ADGRF1: variants seen among roughly 807,000 people sequenced by gnomAD.
ADGRF1 encodes the protein adhesion G protein-coupled receptor F1.
In ADGRF1, 85 loss-of-function variants were observed where a neutral mutation model predicts 87.2. That is an observed-to-expected ratio of 0.97 (90% CI 0.82 to 1.17). The LOEUF is 1.17. ADGRF1 is among the 50% of genes most tolerant of loss of function. The pLI is 0.00. For synonymous variants in ADGRF1, 430 were observed against 408.8 expected, an observed-to-expected ratio of 1.05 and a Z score of -0.63; for missense variants, 1,169 against 1,077.2, an observed-to-expected ratio of 1.09 and a Z score of -1.19.
chr6:47,020,699 G>T, intron 7 of ADGRF1, 32 bp downstream of exon 7: 1 of 1,608,408 alleles, frequency 6.2e-7, no homozygotes, highest in Non-Finnish European at 8.5e-7. Flanking sequence ...CCAATTCTGG[G>T]GATGCCCTTC....
chr6:47,041,724 T>A (rs1780747194), intron 1 of ADGRF1, among the ~76,000 whole-genome samples: 1 of 152,174 alleles, frequency 6.6e-6, no homozygotes, highest in African/African-American at 2.4e-5. Context: ...AGGCAAAGCT[T>A]AAACTAATTC....
At chr6:47,028,120 C>T (rs1780299990) in intron 2 of ADGRF1, among the ~76,000 whole-genome samples, 1 of 152,088 alleles carries the variant, frequency 6.6e-6, no homozygotes, top group Admixed American at 6.5e-5. Flanking sequence ...TGCTGGGTAG[C>T]TTTGAACAGG....
rs1051143083 is a variant in ADGRF1 at position 47,027,816 on chromosome 6, A to C, written c.70-55T>G. On this transcript the variant is annotated intron_variant, in intron 2 of 14. Transcript: ENST00000371253. ...GAGACTTTGAAGAGTTGTGCTTCAT[A>C]AGGCCTTGCTGAGTTTCCCAGATGA... 1.1e-5 allele frequency: 11 copies of C among 1,027,980 alleles called. No individual in the cohort carries two copies. The African/African-American group carries it at 1.4e-4, about 13-fold the overall frequency. The allele number at this position is 1,027,980 out of a possible 1,614,324, so 63.7% of individuals were successfully genotyped here. A position where few individuals can be genotyped will look rare whatever the true frequency, so the allele number is the denominator to read the frequency against.
At chr6:47,018,174 A>G (rs557464411) in intron 7 of ADGRF1, 2 of 259,054 alleles carry the variant, frequency 7.7e-6, no homozygotes, top group East Asian at 1.2e-4. Flanking sequence ...TTGAGTCTGG[A>G]GTTCAGGGGA....
rs182651243 is a variant in ADGRF1 at position 47,036,259 on chromosome 6, C to T, written c.-44+5932G>A. Reference sequence around the variant, plus strand: ...ACAGAACAAAACAAAACAAAACAAACAAACAAAAAACAGCTACTTATTGGG... The same window carrying T: ...ACAGAACAAAACAAAACAAAACAAATAAACAAAAAACAGCTACTTATTGGG... On this transcript the variant is annotated intron_variant, in intron 1 of 14. Coordinates refer to ENST00000371253, the MANE Select transcript of ADGRF1 (RefSeq NM_153840.4). Among the ~76,000 whole-genome samples, 540 of 151,982 alleles carry T rather than the reference C, an allele frequency of 3.6e-3. 2 individuals carry two copies. Among genetic ancestry groups the T allele is most frequent in the Non-Finnish European group, 5.7e-3 (385 of 67,892 alleles).
chr6:47,000,438 T>C, intron 14 of ADGRF1, 143 bp from the exon 15 acceptor site: 1 of 576,004 alleles, frequency 1.7e-6, no homozygotes, highest in Non-Finnish European at 3.0e-6. Context: ...AGACTGTGGT[T>C]GGTGGAGAGA....
intron 1 of ADGRF1, among the ~76,000 whole-genome samples, chr6:47,036,386 G>A (rs957195811): frequency 5.9e-5 from 9 of 152,102 alleles, no homozygotes; most frequent in African/African-American, 2.2e-4. Flanking sequence ...ACCCCCTGAT[G>A]CTAAAATAAA....
chr6:47,020,578 C>T, intron 7 of ADGRF1, 153 bp downstream of exon 7: 1 of 1,513,178 alleles, frequency 6.6e-7, no homozygotes, highest in Non-Finnish European at 8.8e-7. Flanking sequence ...CTTTTTAAAG[C>T]ATCACAGATC....
intron 8 of ADGRF1, among the ~76,000 whole-genome samples, chr6:47,015,572 G>T (rs1032192709): frequency 6.0e-5 from 8 of 134,054 alleles, no homozygotes; most frequent in African/African-American, 2.9e-4. Flanking sequence ...CACGATGCCT[G>T]GCTATTTATT....
Position 47,016,613 on chromosome 6 carries a change from T to C in ADGRF1, c.763+4A>G. The C allele has an allele frequency of 6.3e-7, 1 of 1,595,756 alleles. No individual in the cohort carries two copies. Among genetic ancestry groups the C allele is most frequent in the Non-Finnish European group, 8.6e-7 (1 of 1,167,000 alleles). On this transcript the variant is annotated splice_donor_region_variant and intron_variant, in intron 8 of 14. Transcript: ENST00000371253. ...CTAAGCAGAGGATGGGAATCCAGCA[T>C]TACCTTTTCCGAACACTCTGAAAGA...
chr6:47,033,818 A>G (rs1780507475), intron 1 of ADGRF1, among the ~76,000 whole-genome samples: 1 of 152,242 alleles, frequency 6.6e-6, no homozygotes, highest in African/African-American at 2.4e-5. Flanking sequence ...GTGTTTCTGT[A>G]ACTGAACAGA....
At chr6:47,015,358 T>A (rs1283421880) in intron 8 of ADGRF1, among the ~76,000 whole-genome samples, 1 of 152,118 alleles carries the variant, frequency 6.6e-6, no homozygotes, top group East Asian at 1.9e-4. Flanking sequence ...AATGCATTCT[T>A]ATCATGATTG....
chr6:47,013,266 T>C (rs1220800131), intron 9 of ADGRF1: 4 of 985,340 alleles, frequency 4.1e-6, no homozygotes, highest in African/African-American at 3.5e-5. Context: ...ACCTGGGATC[T>C]GCCTGGAGCG....
At chr6:47,011,903 T>C (rs1224991783) in intron 10 of ADGRF1, 104 bp downstream of exon 10, 1 of 1,053,060 alleles carries the variant, frequency 9.5e-7, no homozygotes, top group Non-Finnish European at 1.4e-6. Flanking sequence ...GACGCATACA[T>C]GGCTTTCTGT....
chr6:47,024,188 A>T lies in ADGRF1; in HGVS notation c.307T>A (p.Cys103Ser). 2 of 1,614,058 alleles carry T rather than the reference A, an allele frequency of 1.2e-6. No homozygotes were observed. The highest frequency in any genetic ancestry group is 2.2e-5 in the East Asian group (1 of 44,888). ...DCNSLNGVLQCTCEDSYTWFP... is the reference protein window; with the variant it reads ...DCNSLNGVLQSTCEDSYTWFP... ...CAGGTGTAGCTGTCTTCACAGGTAC[A>T]CTGCAGGACTCCATTCAGGCTGTTG... The change falls in exon 5 of 15, where the codon TGT becomes AGT. Residue 103 changes from cysteine (C) to serine (S), a missense_variant. Coordinates refer to ENST00000371253, the MANE Select transcript of ADGRF1 (RefSeq NM_153840.4).
chr6:47,023,563 G>T (rs933183315), intron 5 of ADGRF1, among the ~76,000 whole-genome samples: 5 of 152,114 alleles, frequency 3.3e-5, no homozygotes, highest in Non-Finnish European at 7.4e-5. Flanking sequence ...TTTAGCTTTT[G>T]TTCTGTTTTA....
chr6:47,012,271 C>A, intron 9 of ADGRF1, 76 bp from the exon 10 acceptor site: 1 of 1,560,270 alleles, frequency 6.4e-7, no homozygotes, highest in South Asian at 1.2e-5. Context: ...GATGTCTTGG[C>A]CATATAGAAC....
chr6:47,010,184 C>G lies in ADGRF1; in HGVS notation c.1251G>C (p.Pro417=), dbSNP rs147609073. Residue 417 remains proline, a synonymous_variant, in exon 11 of 15, where the codon CCG becomes CCC. Transcript: ENST00000371253. ...GAGAAAAATTCAGAGGAAGAGCTGT[C>G]GGAGGCACCAGAGTGCTGATGTTTT... The part of the protein sequence containing the change: ...TLENISTLVP[P]TALPLNFSRK... 3,695 of 1,614,086 alleles carry G rather than the reference C, an allele frequency of 2.3e-3. 46 individuals carry two copies. Among genetic ancestry groups the G allele is most frequent in the Middle Eastern group, 1.3e-3 (8 of 6,062 alleles).
intron 3 of ADGRF1, among the ~76,000 whole-genome samples, chr6:47,026,414 A>G (rs943903015): frequency 1.3e-5 from 2 of 151,662 alleles, no homozygotes; most frequent in Admixed American, 6.6e-5. Context: ...TCTCCAGTAT[A>G]AGACCCCTCA....
Sources: allele counts gnomAD v4.1 joint callset (sites outside exome capture counted in the v4.1 genomes callset), GRCh38; gene constraint gnomAD v4.1.1; transcripts MANE v1.5; gene names NCBI Gene and HGNC (gene_info 2026-07-23, HGNC 2026-07-21).